The following KCNQ1 variants were observed in gnomAD, a reference collection of about 807,000 sequenced individuals.
The protein encoded by KCNQ1 is potassium voltage-gated channel subfamily Q member 1.
In KCNQ1, 49 loss-of-function variants were observed where a neutral mutation model predicts 72.4. The observed-to-expected ratio is 0.68, with a 90% CI of 0.54 to 0.86. KCNQ1 has a LOEUF of 0.86. Ranked by LOEUF, KCNQ1 falls within the 40% of genes least tolerant of loss-of-function variation. KCNQ1 has a pLI of 0.00. For synonymous variants in KCNQ1, 450 were observed against 412.6 expected (o/e 1.09, Z -1.10); for missense variants, 790 against 945.1 (o/e 0.84, Z 2.15).
chr11:2,533,943 C>T (rs932083683), intron 2 of KCNQ1, among the ~76,000 whole-genome samples: 2 of 152,214 alleles, frequency 1.3e-5, no homozygotes, highest in Admixed American at 6.5e-5. Context: ...CCGTGAGCTG[C>T]GGCCCCGGAG....
In KCNQ1 at chr11:2,687,878, G is replaced by A. The variant is rs1356651513; in HGVS notation, c.1514+25797G>A. On this transcript the variant is annotated intron_variant, in intron 11 of 15. Coordinates refer to ENST00000155840, the MANE Select transcript of KCNQ1 (RefSeq NM_000218.3). This position sits in a 1 kb window ranked among gnomAD's most constrained non-coding sequence, Gnocchi z 5.0. ...GAGCCTCAAAGGCTGGACTTGGGGT[G>A]TCCCGCGGAAATCCTGGTGGGATGG... The A allele has an allele frequency of 7.5e-6, 3 of 398,584 alleles. No homozygotes were observed. The Admixed American group carries it at 1.3e-4, about 18-fold the overall frequency. The allele number at this position is 398,584 out of a possible 1,614,324, so 24.7% of individuals were successfully genotyped here.
At chr11:2,518,492 A>G (rs10741643) in intron 1 of KCNQ1, among the ~76,000 whole-genome samples, 121,158 of 152,108 alleles carry the variant, frequency 0.8, 48,437 homozygotes, top group African/African-American at 0.85. Flanking sequence ...TTCTGTGTGG[A>G]CCCAGCCGAA....
At chr11:2,823,026 C>T (rs566580741) in intron 15 of KCNQ1, among the ~76,000 whole-genome samples, 5 of 151,990 alleles carry the variant, frequency 3.3e-5, no homozygotes, top group Non-Finnish European at 5.9e-5. Context: ...CATGCAGACT[C>T]AATCCAAGGA....
In KCNQ1 at chr11:2,497,819, C is replaced by T. The variant is rs1218449003; in HGVS notation, c.387-30109C>T. ...CTTTGTGGATTTATCTGCCTTTGCT[C>T]TTTGAGGCTGATGACCTTTGGATGG... On this transcript the variant is annotated intron_variant, in intron 1 of 15. Coordinates refer to ENST00000155840, the MANE Select transcript of KCNQ1 (RefSeq NM_000218.3). This position sits in a 1 kb window ranked among gnomAD's most constrained non-coding sequence, Gnocchi z 4.5. 1.3e-5 allele frequency among the ~76,000 whole-genome samples: 2 copies of T among 152,190 alleles called. No individual in the cohort carries two copies. The highest frequency in any genetic ancestry group is 4.8e-5 in the African/African-American group (2 of 41,440).
At chr11:2,655,908 C>G in intron 10 of KCNQ1, 1 of 398,698 alleles carries the variant, frequency 2.5e-6, no homozygotes, top group Non-Finnish European at 4.4e-6. Context: ...CCCCATATGC[C>G]GTTCCCAGGA....
rs1295834707 is a variant in KCNQ1, at chr11:2,803,477, C to T, written c.1794+25440C>T. Among the ~76,000 whole-genome samples the T allele has an allele frequency of 2.0e-5, 3 of 152,162 alleles. No individual in the cohort carries two copies. Among genetic ancestry groups the T allele is most frequent in the Non-Finnish European group, 4.4e-5 (3 of 68,018 alleles). ...TGTTCCCAGGAGCTTTAGGGGTACC[C>T]AGGTGGTGTGATGGGGAGCAGGAGC... is the stretch of plus-strand genomic sequence containing the variant. On this transcript the variant is annotated intron_variant, in intron 15 of 15. Coordinates refer to ENST00000155840, the MANE Select transcript of KCNQ1 (RefSeq NM_000218.3). The surrounding 1 kb of genome is among the most constrained non-coding windows in gnomAD (Gnocchi z 6.4).
chr11:2,757,278 A>G (rs1289062521), intron 11 of KCNQ1, among the ~76,000 whole-genome samples: 1 of 152,334 alleles, frequency 6.6e-6, no homozygotes, highest in Middle Eastern at 3.4e-3. Flanking sequence ...ATTTCTATAC[A>G]CTAACAATGA....
chr11:2,581,651 C>A (rs1257591367), intron 6 of KCNQ1, among the ~76,000 whole-genome samples: 1 of 152,244 alleles, frequency 6.6e-6, no homozygotes, highest in Non-Finnish European at 1.5e-5. Context: ...GACATGGGGA[C>A]CAGCTCCCTT....
chr11:2,631,975 G>C, intron 10 of KCNQ1: 1 of 396,734 alleles, frequency 2.5e-6, no homozygotes, highest in Non-Finnish European at 4.4e-6. Flanking sequence ...AAGGTCAGGA[G>C]ATCGAGACCA....
chr11:2,731,265 C>T (rs953580332), intron 11 of KCNQ1, among the ~76,000 whole-genome samples: 12 of 152,206 alleles, frequency 7.9e-5, no homozygotes, highest in Admixed American at 2.6e-4. Context: ...GGGTGGCAGG[C>T]GGAATCCAAG....
intron 6 of KCNQ1, among the ~76,000 whole-genome samples, chr11:2,576,984 A>G (rs990744924): frequency 7.9e-5 from 12 of 152,160 alleles, no homozygotes; most frequent in Admixed American, 4.6e-4. Context: ...TGTGTGCCTC[A>G]GTTTCTCCAT....
At position 2,782,255 on chromosome 11, in the gene KCNQ1, A is replaced by G. The variant is rs1444119457; in HGVS notation, c.1794+4218A>G. Among the ~76,000 whole-genome samples, 1 of 152,130 alleles carries G rather than the reference A, an allele frequency of 6.6e-6. No individual in the cohort carries two copies. The highest frequency in any genetic ancestry group is 2.4e-5 in the African/African-American group (1 of 41,394). ...TCTTACTTGGATTATTTTTCCAGCC[A>G]TATATGCGGTCTCCGGCCTCTCCTC... On this transcript the variant is annotated intron_variant, in intron 15 of 15. Coordinates refer to ENST00000155840, the MANE Select transcript of KCNQ1 (RefSeq NM_000218.3). The surrounding 1 kb of genome is among the most constrained non-coding windows in gnomAD (Gnocchi z 6.1).
chr11:2,660,709 T>C (rs1849937326), intron 10 of KCNQ1: 4 of 398,524 alleles, frequency 1.0e-5, no homozygotes, highest in African/African-American at 6.2e-5. Context: ...ACAACCTTCA[T>C]TCGGGCTTCA....
chr11:2,604,919 T>C (rs1319570088), intron 10 of KCNQ1, among the ~76,000 whole-genome samples: 2 of 152,210 alleles, frequency 1.3e-5, no homozygotes, highest in African/African-American at 4.8e-5. Context: ...CACCAGCATA[T>C]GAGCACTGCG....
chr11:2,640,793 G>T (rs530230822), intron 10 of KCNQ1: 5 of 398,468 alleles, frequency 1.3e-5, no homozygotes, highest in African/African-American at 8.2e-5. Flanking sequence ...AACTAGCTGT[G>T]TATTTTTACC....
At chr11:2,461,633 C>G (rs755872479) in intron 1 of KCNQ1, 14 of 1,365,476 alleles carry the variant, frequency 1.0e-5, no homozygotes, top group Non-Finnish European at 1.4e-5. Context: ...GTTTCTGGCT[C>G]TCGGGAATTT....
intron 11 of KCNQ1, among the ~76,000 whole-genome samples, chr11:2,747,895 A>G (rs1257201125): frequency 6.6e-6 from 1 of 152,054 alleles, no homozygotes; most frequent in Non-Finnish European, 1.5e-5. Flanking sequence ...CCCGGGCTTT[A>G]CCAGATGGGG....
intron 15 of KCNQ1, chr11:2,840,073 C>T (rs1481791133): frequency 6.6e-6 from 1 of 152,178 alleles, no homozygotes; most frequent in African/African-American, 2.4e-5. Context: ...TTTTGACTCC[C>T]CAGAAACTTC....
In KCNQ1 at chr11:2,781,299, T is replaced by C. The variant is rs1846818594; in HGVS notation, c.1794+3262T>C. On this transcript the variant is annotated intron_variant, in intron 15 of 15. Coordinates refer to ENST00000155840, the MANE Select transcript of KCNQ1 (RefSeq NM_000218.3). This position sits in a 1 kb window ranked among gnomAD's most constrained non-coding sequence, Gnocchi z 6.6. ...GCCTGAGGTCACACAGCTAGTTAGG[T>C]GAAGAGCTGGTCCCAAGGAGGACAC... 6.6e-6 allele frequency among the ~76,000 whole-genome samples: 1 copy of C among 151,722 alleles called. No individual in the cohort carries two copies. Among genetic ancestry groups the C allele is most frequent in the South Asian group, 2.1e-4 (1 of 4,810 alleles).
Sources: gnomAD v4.1 joint callset for allele counts (sites outside exome capture counted in the v4.1 genomes callset) on GRCh38, gnomAD v4.1.1 for gene constraint, Gnocchi (gnomAD v3.1) non-coding constraint, MANE v1.5 for transcripts, NCBI Gene and HGNC (gene_info 2026-07-23, HGNC 2026-07-21) for gene names.